The following CDH4 variants were observed in gnomAD, a reference collection of about 807,000 sequenced individuals.
CDH4 encodes the protein cadherin-4.
In CDH4, 33 loss-of-function variants were observed where a neutral mutation model predicts 86.0. The observed-to-expected ratio is 0.38, with a 90% CI of 0.29 to 0.51. CDH4 has a LOEUF of 0.51. CDH4 is among the 20% of genes least tolerant of loss of function. The pLI is 0.86. For missense variants in CDH4, 1,114 were observed against 1,307.4 expected, an observed-to-expected ratio of 0.85 and a Z score of 2.28; for synonymous variants, 555 against 549.4, an observed-to-expected ratio of 1.01 and a Z score of -0.14.
At chr20:61,541,316 G>T (rs920918254) in intron 2 of CDH4, among the ~76,000 whole-genome samples, 32 of 152,226 alleles carry the variant, frequency 2.1e-4, no homozygotes, top group African/African-American at 7.7e-4. Flanking sequence ...TCCAAGCAAG[G>T]ACGAAGCTCC....
In CDH4 at chr20:61,399,194, G is replaced by A. The variant is rs555860120; in HGVS notation, c.169+144257G>A. On this transcript the variant is annotated intron_variant, in intron 2 of 15. Coordinates refer to ENST00000614565, the MANE Select transcript of CDH4 (RefSeq NM_001794.5). ...AGGCCGGACTGCGGACTGCAGTGGC[G>A]CAATCTCGGCTCACTGCAAGCTCCG... Among the ~76,000 whole-genome samples, 15 of 106,946 alleles carry A rather than the reference G, an allele frequency of 1.4e-4. 2 individuals carry two copies. In the South Asian group the frequency reaches 4.4e-3, roughly 31 times the overall value. The allele number at this position is 106,946 out of a possible 152,430, so 70.2% of individuals were successfully genotyped here.
intron 3 of CDH4, among the ~76,000 whole-genome samples, chr20:61,766,832 A>T (rs1367116620): frequency 6.6e-6 from 1 of 152,032 alleles, no homozygotes; most frequent in African/African-American, 2.4e-5. Flanking sequence ...CAGTGCCCTG[A>T]CCGAGATATA....
chr20:61,600,962 A>G (rs991225457), intron 2 of CDH4, among the ~76,000 whole-genome samples: 4 of 151,950 alleles, frequency 2.6e-5, no homozygotes, highest in African/African-American at 4.8e-5. Context: ...GCGAGCTCCT[A>G]CTCAGCCTTA....
chr20:61,822,568 G>T (rs1371951168), intron 4 of CDH4, among the ~76,000 whole-genome samples: 1 of 152,200 alleles, frequency 6.6e-6, no homozygotes, highest in Non-Finnish European at 1.5e-5. Flanking sequence ...ACACGGCAGG[G>T]AGGGGAGGGT....
At chr20:61,750,365 T>G (rs532041343) in intron 3 of CDH4, among the ~76,000 whole-genome samples, 1 of 152,204 alleles carries the variant, frequency 6.6e-6, no homozygotes, top group South Asian at 2.1e-4. Flanking sequence ...CCAATACACT[T>G]AAAAATATAC....
chr20:61,315,031 T>C (rs1214005676), intron 2 of CDH4, among the ~76,000 whole-genome samples: 1 of 152,230 alleles, frequency 6.6e-6, no homozygotes, highest in Non-Finnish European at 1.5e-5. Context: ...ATCAACACCT[T>C]TATTTTAAAC....
In CDH4 at chr20:61,754,122, G is replaced by A. The variant is rs138127960; in HGVS notation, c.396+10333G>A. ...GGCACCACCAGGAGCCAGGAGAGAC[G>A]CCCAGAGCAGATTCTCCTGCACAGC... On this transcript the variant is annotated intron_variant, in intron 3 of 15. Transcript: ENST00000614565. This position sits in a 1 kb window ranked among gnomAD's most constrained non-coding sequence, Gnocchi z 4.7. 3.8e-3 allele frequency among the ~76,000 whole-genome samples: 575 copies of A among 152,222 alleles called. 1 individual carries two copies. The highest frequency in any genetic ancestry group is 0.013 in the African/African-American group (536 of 41,526).
intron 2 of CDH4, chr20:61,436,448 A>G (rs1312433494): frequency 6.6e-6 from 1 of 152,212 alleles, no homozygotes; most frequent in African/African-American, 2.4e-5. Flanking sequence ...AGAATGGATA[A>G]CTCACTGGAA....
chr20:61,834,938 C>G (rs1981797220), intron 4 of CDH4, among the ~76,000 whole-genome samples: 2 of 152,360 alleles, frequency 1.3e-5, no homozygotes, highest in South Asian at 2.1e-4. Context: ...CAGAGAGTCT[C>G]TCACTCTTCT....
chr20:61,853,397 C>T (rs745820809), intron 6 of CDH4, among the ~76,000 whole-genome samples: 8 of 152,136 alleles, frequency 5.3e-5, no homozygotes, highest in Admixed American at 3.3e-4. Flanking sequence ...CCAAGCAAAA[C>T]GGGAAGCGAG....
At chr20:61,903,153 C>T (rs983864234) in intron 8 of CDH4, among the ~76,000 whole-genome samples, 13 of 152,250 alleles carry the variant, frequency 8.5e-5, no homozygotes, top group African/African-American at 2.9e-4. Flanking sequence ...TTCATTATTT[C>T]ACCCCGCACT....
At chr20:61,300,464 G>A (rs1213528182) in intron 2 of CDH4, among the ~76,000 whole-genome samples, 1 of 152,144 alleles carries the variant, frequency 6.6e-6, no homozygotes, top group African/African-American at 2.4e-5. Context: ...TGGGTGAAGA[G>A]GACAGTGCCA....
chr20:61,864,931 G>C (rs1983481406), intron 6 of CDH4, among the ~76,000 whole-genome samples: 1 of 152,146 alleles, frequency 6.6e-6, no homozygotes, highest in African/African-American at 2.4e-5. Flanking sequence ...CCCGGGTCCT[G>C]GCTTTCTCTC....
At chr20:61,395,612 T>C (rs62199081) in intron 2 of CDH4, among the ~76,000 whole-genome samples, 8,948 of 152,012 alleles carry the variant, frequency 0.059, 311 homozygotes, top group African/African-American at 0.1. Context: ...AGACCCCATC[T>C]CTACAAAAAT....
At chr20:61,605,375 C>T (rs2086635188) in intron 2 of CDH4, among the ~76,000 whole-genome samples, 1 of 152,040 alleles carries the variant, frequency 6.6e-6, no homozygotes. Context: ...CTTTCTCTCC[C>T]TCTCTGTATC....
chr20:61,313,013 A>G (rs945130639), intron 2 of CDH4, among the ~76,000 whole-genome samples: 1 of 152,150 alleles, frequency 6.6e-6, no homozygotes, highest in Non-Finnish European at 1.5e-5. Flanking sequence ...GGTTGCGGTG[A>G]GCCCTTCCCT....
intron 3 of CDH4, among the ~76,000 whole-genome samples, chr20:61,757,460 C>G (rs2088579578): frequency 1.3e-5 from 2 of 152,236 alleles, no homozygotes; most frequent in African/African-American, 4.8e-5. Flanking sequence ...GACATCTGGG[C>G]CAGCCCTTCA....
chr20:61,886,187 G>A (rs73145130), intron 7 of CDH4, among the ~76,000 whole-genome samples: 1 of 152,176 alleles, frequency 6.6e-6, no homozygotes, highest in East Asian at 1.9e-4. Context: ...GGTGGGGGCA[G>A]CATCCAGGAG....
chr20:61,867,905 C>T (rs573099757), intron 6 of CDH4, among the ~76,000 whole-genome samples: 5 of 152,188 alleles, frequency 3.3e-5, no homozygotes, highest in South Asian at 4.1e-4. Context: ...CCGATGACTC[C>T]GGCCATCTCA....
Sources: gnomAD v4.1 joint callset for allele counts (sites outside exome capture counted in the v4.1 genomes callset) on GRCh38, gnomAD v4.1.1 for gene constraint, Gnocchi (gnomAD v3.1) non-coding constraint, MANE v1.5 for transcripts, NCBI Gene and HGNC (gene_info 2026-07-23, HGNC 2026-07-21) for gene names.